Variants in STEAP1B observed in about 807,000 individuals in gnomAD.
The protein encoded by STEAP1B is STEAP family protein MGC87042.
Under a neutral mutation model 27.9 loss-of-function variants are expected in STEAP1B, and 13 were observed. That is an observed-to-expected ratio of 0.47 (90% CI 0.30 to 0.74). The LOEUF (loss-of-function observed/expected upper bound fraction) is 0.74, where lower values mean the gene tolerates loss of function less well. STEAP1B is among the 30% of genes least tolerant of loss of function. The pLI, the probability that STEAP1B is intolerant of heterozygous loss-of-function variation, is 0.06. For missense variants in STEAP1B, 250 were observed against 298.7 expected (o/e 0.84, Z 1.20); for synonymous variants, 86 against 107.1 (o/e 0.80, Z 1.22).
chr7:22,424,301 G>T (rs1200261243), intron 4 of STEAP1B, among the ~76,000 whole-genome samples: 2 of 152,056 alleles, frequency 1.3e-5, no homozygotes, highest in African/African-American at 4.8e-5. Context: ...AGACTTCATA[G>T]AAATCTATAA....
chr7:22,482,546 C>T (rs1337190338), intron 4 of STEAP1B, among the ~76,000 whole-genome samples: 1 of 152,178 alleles, frequency 6.6e-6, no homozygotes, highest in South Asian at 2.1e-4. Context: ...TTGTACAGTG[C>T]ACCATAGTAG....
intron 4 of STEAP1B, among the ~76,000 whole-genome samples, chr7:22,490,949 C>A (rs1419541910): frequency 6.6e-6 from 1 of 152,176 alleles, no homozygotes; most frequent in East Asian, 1.9e-4. Context: ...CAAACAAACT[C>A]CTTTAAGAGC....
At chr7:22,481,768 G>A (rs994350837) in intron 4 of STEAP1B, among the ~76,000 whole-genome samples, 3 of 152,186 alleles carry the variant, frequency 2.0e-5, no homozygotes, top group Admixed American at 6.5e-5. Flanking sequence ...CTCCCCAGAT[G>A]AACACAGTCA....
intron 4 of STEAP1B, among the ~76,000 whole-genome samples, chr7:22,477,745 T>A (rs1466734634): frequency 6.6e-6 from 1 of 152,314 alleles, no homozygotes; most frequent in South Asian, 2.1e-4. Flanking sequence ...TTTTTTTTAA[T>A]GCTTCTTGTG....
chr7:22,446,396 C>T (rs553477379), intron 4 of STEAP1B, among the ~76,000 whole-genome samples: 7 of 152,210 alleles, frequency 4.6e-5, no homozygotes, highest in Non-Finnish European at 8.8e-5. Context: ...CCTGGAGCCA[C>T]AGGAAATTTG....
chr7:22,428,018 T>C (rs1356845104), intron 4 of STEAP1B, among the ~76,000 whole-genome samples: 1 of 152,200 alleles, frequency 6.6e-6, no homozygotes, highest in Non-Finnish European at 1.5e-5. Flanking sequence ...ACAAAGGAGC[T>C]TCTGTAGGGA....
chr7:22,490,575 T>C (rs1396208480), intron 4 of STEAP1B, among the ~76,000 whole-genome samples: 1 of 152,230 alleles, frequency 6.6e-6, no homozygotes, highest in Non-Finnish European at 1.5e-5. Context: ...TGTATTACCG[T>C]CCTTTCTAGG....
chr7:22,477,279 C>T (rs573622516), intron 4 of STEAP1B, among the ~76,000 whole-genome samples: 45 of 152,296 alleles, frequency 3.0e-4, no homozygotes, highest in African/African-American at 1.1e-3. Context: ...CCTCTTTGAT[C>T]CCTCTTGCCA....
At chr7:22,449,616 ATC>A (rs1785456072) in intron 4 of STEAP1B, among the ~76,000 whole-genome samples, 1 of 152,228 alleles carries the variant, frequency 6.6e-6, no homozygotes, top group African/African-American at 2.4e-5. Context: ...CAGTGCAGAT[ATC>A]TCTCTTTGAT....
chr7:22,445,931 TTGA>T (rs1785403451), intron 4 of STEAP1B, among the ~76,000 whole-genome samples: 1 of 152,236 alleles, frequency 6.6e-6, no homozygotes, highest in South Asian at 2.1e-4. Flanking sequence ...AGTCGGAAAC[TTGA>T]CAACTGGAGA....
chr7:22,455,674 C>T (rs1278233248), intron 4 of STEAP1B, among the ~76,000 whole-genome samples: 1 of 152,150 alleles, frequency 6.6e-6, no homozygotes, highest in Non-Finnish European at 1.5e-5. Flanking sequence ...GCCTATGCTA[C>T]CTTAACAAAT....
chr7:22,454,881 G>C (rs1430333936), intron 4 of STEAP1B, among the ~76,000 whole-genome samples: 3 of 45,082 alleles, frequency 6.7e-5, no homozygotes, highest in Admixed American at 2.3e-4. Flanking sequence ...TTTTTTTTTT[G>C]AGACAGAGTC....
chr7:22,446,828 A>G (rs553601761), intron 4 of STEAP1B, among the ~76,000 whole-genome samples: 1 of 152,262 alleles, frequency 6.6e-6, no homozygotes, highest in Non-Finnish European at 1.5e-5. Flanking sequence ...AATGCTGCCC[A>G]CCCCACAATG....
chr7:22,462,927 A>G (rs964003356), intron 4 of STEAP1B, among the ~76,000 whole-genome samples: 2 of 152,184 alleles, frequency 1.3e-5, no homozygotes, highest in Non-Finnish European at 2.9e-5. Context: ...TGCCCTTCTA[A>G]CTGGTGTGAG....
At chr7:22,452,784 C>G (rs549179465) in intron 4 of STEAP1B, among the ~76,000 whole-genome samples, 9 of 152,218 alleles carry the variant, frequency 5.9e-5, no homozygotes, top group Middle Eastern at 3.4e-3. Flanking sequence ...GAAATCTTCA[C>G]TTTTCTATGC....
At chr7:22,456,163 T>C (rs1785576136) in intron 4 of STEAP1B, among the ~76,000 whole-genome samples, 1 of 151,952 alleles carries the variant, frequency 6.6e-6, no homozygotes, top group Admixed American at 6.6e-5. Context: ...AAAAAAAATC[T>C]TCCTAATCCA....
At chr7:22,431,024 G>A (rs1485392179) in intron 4 of STEAP1B, among the ~76,000 whole-genome samples, 1 of 152,186 alleles carries the variant, frequency 6.6e-6, no homozygotes, top group South Asian at 2.1e-4. Flanking sequence ...TCTGTCTTTT[G>A]GGGTGCAATG....
intron 4 of STEAP1B, 147 bp from the exon 5 acceptor site, chr7:22,419,983 G>T: frequency 1.1e-6 from 1 of 949,288 alleles, no homozygotes; most frequent in Admixed American, 3.2e-5. Context: ...GCAAAGCTAG[G>T]CCTAGAATTC....
chr7:22,465,860 A>G (rs1785769737), intron 4 of STEAP1B, among the ~76,000 whole-genome samples: 1 of 152,188 alleles, frequency 6.6e-6, no homozygotes, highest in Admixed American at 6.5e-5. Context: ...TGGGCTGGGC[A>G]GGAAAACCAC....
Sources: gnomAD v4.1 joint callset for allele counts (sites outside exome capture counted in the v4.1 genomes callset) on GRCh38, gnomAD v4.1.1 for gene constraint, MANE v1.5 for transcripts, NCBI Gene and HGNC (gene_info 2026-07-23, HGNC 2026-07-21) for gene names.